Variants in CHD9 observed in about 807,000 individuals in gnomAD.
CHD9 encodes the protein chromodomain helicase DNA binding protein 9.
In CHD9, 77 loss-of-function variants were observed where a neutral mutation model predicts 316.1. That is an observed-to-expected ratio of 0.24 (90% confidence interval 0.20 to 0.29). CHD9 has a LOEUF of 0.29. CHD9 is among the 10% of genes least tolerant of loss of function. The pLI, the probability that CHD9 is intolerant of heterozygous loss-of-function variation, is 1.00. For missense variants in CHD9, 2,763 were observed against 3,438.1 expected, an observed-to-expected ratio of 0.80 and a Z score of 4.91; for synonymous variants, 1,129 against 1,158.3, an observed-to-expected ratio of 0.97 and a Z score of 0.51.
In CHD9 at chr16:53,292,990, G is replaced by T; in HGVS notation, c.5448G>T (p.Gln1816His). 1 of 1,613,762 alleles carries T rather than the reference G, an allele frequency of 6.2e-7. No homozygotes were observed. The highest frequency in any genetic ancestry group is 1.1e-5 in the South Asian group (1 of 91,068). The change falls in exon 29 of 39, where the codon CAG (glutamine) becomes CAT (histidine). Residue 1816 changes from glutamine to histidine, a missense_variant. Physicochemically the swap from Gln to His is conservative, Grantham distance 24. This residue lies in a region of CHD9 where 183 missense variants were observed against 258.5 expected (regional missense o/e 0.71). Transcript: ENST00000447540. ...TCTCGGTGCCTACCAGTGTAATGCA[G>T]CCTATTTATGAGGAAGCCACTCTTA... ...PTFSVPTSVM[Q>H]PIYEEATLNP...
In CHD9 at chr16:53,263,052, A is replaced by G. The variant is rs748241857; in HGVS notation, c.4275A>G (p.Lys1425=). The G allele has an allele frequency of 4.3e-6, 7 of 1,612,914 alleles. No homozygotes were observed. Among genetic ancestry groups the G allele is most frequent in the Non-Finnish European group, 5.1e-6 (6 of 1,179,278 alleles). ...ISLDDPNFWQ[K]WAKKAEIDIE... ...TAGATGATCCCAACTTCTGGCAAAAATGGGCTAAAAAGGCAGAAATAGATA... is the reference window on the plus strand; with the variant it reads ...TAGATGATCCCAACTTCTGGCAAAAGTGGGCTAAAAAGGCAGAAATAGATA... Residue 1425 remains lysine (K), a synonymous_variant, in exon 20 of 39, where the codon AAA becomes AAG. Transcript: ENST00000447540.
intron 1 of CHD9, among the ~76,000 whole-genome samples, chr16:53,124,204 G>A (rs1436804877): frequency 2.0e-5 from 3 of 152,136 alleles, no homozygotes; most frequent in Non-Finnish European, 2.9e-5. Context: ...ACCAGGGTTC[G>A]AGGGTTCTAC....
intron 2 of CHD9, among the ~76,000 whole-genome samples, chr16:53,184,478 A>T (rs917874692): frequency 6.6e-6 from 1 of 152,050 alleles, no homozygotes; most frequent in Non-Finnish European, 1.5e-5. Flanking sequence ...CTGGGACTAC[A>T]GGTACACACC....
At chr16:53,067,205 A>G (rs988537547) in intron 1 of CHD9, among the ~76,000 whole-genome samples, 2 of 152,100 alleles carry the variant, frequency 1.3e-5, no homozygotes, top group Non-Finnish European at 2.9e-5. Flanking sequence ...GACTTCCCAA[A>G]GTGTTGGGAT....
chr16:53,159,825 A>G (rs1363954205), intron 2 of CHD9, among the ~76,000 whole-genome samples: 2 of 151,884 alleles, frequency 1.3e-5, no homozygotes, highest in Admixed American at 1.3e-4. Flanking sequence ...GGCCAGGCTG[A>G]TCTCTGGTCT....
chr16:53,143,909 CT>C (rs1002374909), intron 1 of CHD9, among the ~76,000 whole-genome samples: 1 of 151,958 alleles, frequency 6.6e-6, no homozygotes, highest in Admixed American at 6.6e-5. Context: ...ATGTAATGAC[CT>C]TTTTCAGCAT....
chr16:53,303,732 C>T lies in CHD9; in HGVS notation c.5726C>T (p.Pro1909Leu), dbSNP rs2055663319. ...RLPSKEELVD[P>L]NIFIQPITEE... ...TTTCAATATGTAGAATTGGTGGATC[C>T]AAATATTTTTATCCAGCCCATCACA... is the stretch of plus-strand genomic sequence containing the variant. Residue 1909 changes from proline to leucine, a missense_variant, in exon 31 of 39, where the codon CCA (proline) becomes CTA (leucine). Pro to Leu is a moderately conservative substitution (Grantham distance 98, BLOSUM62 -3). This residue lies in a region of CHD9 where 663 missense variants were observed against 751.2 expected (regional missense o/e 0.88). Transcript: ENST00000447540. 6.3e-6 allele frequency: 10 copies of T among 1,586,588 alleles called. No homozygotes were observed. Among genetic ancestry groups the T allele is most frequent in the South Asian group, 4.7e-5 (4 of 85,778 alleles).
intron 2 of CHD9, among the ~76,000 whole-genome samples, chr16:53,164,566 A>G (rs929181312): frequency 2.6e-5 from 4 of 152,098 alleles, no homozygotes; most frequent in African/African-American, 9.7e-5. Flanking sequence ...GTGATAGAGC[A>G]AGGCCCTGTC....
chr16:53,132,107 G>T (rs2039371873), intron 1 of CHD9, among the ~76,000 whole-genome samples: 1 of 79,752 alleles, frequency 1.3e-5, no homozygotes, highest in South Asian at 3.7e-4. Context: ...ATTTTTTTTG[G>T]GGGGGGTGGT....
chr16:53,205,639 A>T (rs2045837757), intron 2 of CHD9, among the ~76,000 whole-genome samples: 2 of 152,226 alleles, frequency 1.3e-5, no homozygotes, highest in Admixed American at 6.5e-5. Flanking sequence ...ATTTCATCAT[A>T]GATTTATTAA....
intron 1 of CHD9, among the ~76,000 whole-genome samples, chr16:53,144,292 T>C (rs1301381906): frequency 1.3e-5 from 2 of 152,142 alleles, no homozygotes; most frequent in African/African-American, 4.8e-5. Context: ...TAAGACACCT[T>C]TACAAGCATC....
At position 53,289,823 on chromosome 16, in the gene CHD9, G is replaced by A. The variant is rs578232788; in HGVS notation, c.5247+1809G>A. On this transcript the variant is annotated intron_variant, in intron 27 of 38. Transcript: ENST00000447540. ...TGTCTCACTGGATGGCAGAAAAGTT[G>A]CTAAAAAGCTACCCGTTGAAACTGG... Among the ~76,000 whole-genome samples the A allele has an allele frequency of 6.6e-5, 10 of 152,256 alleles. No individual in the cohort carries two copies. In the East Asian group the frequency reaches 1.7e-3, roughly 26 times the overall value.
intron 1 of CHD9, among the ~76,000 whole-genome samples, chr16:53,125,493 T>C (rs11865376): frequency 0.32 from 48,285 of 151,988 alleles, 7,879 homozygotes; most frequent in Middle Eastern, 0.36. Flanking sequence ...GCCTCGGCCT[T>C]CCAAAGTGCC....
chr16:53,148,412 C>T (rs112050186), intron 1 of CHD9, among the ~76,000 whole-genome samples: 6 of 152,114 alleles, frequency 3.9e-5, no homozygotes, highest in Non-Finnish European at 5.9e-5. Flanking sequence ...GCTTGTTTAA[C>T]TTTTTGAGGA....
chr16:53,143,311 C>A (rs927974465), intron 1 of CHD9, among the ~76,000 whole-genome samples: 1 of 151,506 alleles, frequency 6.6e-6, no homozygotes, highest in East Asian at 1.9e-4. Context: ...ATTAAAGCCC[C>A]TTATGTGGAC....
intron 29 of CHD9, among the ~76,000 whole-genome samples, chr16:53,295,063 TC>T (rs1934744301): frequency 1.3e-5 from 2 of 152,206 alleles, no homozygotes; most frequent in African/African-American, 2.4e-5. Flanking sequence ...GAACACCCTT[TC>T]TACCTGTTTA....
intron 2 of CHD9, among the ~76,000 whole-genome samples, chr16:53,173,135 G>T (rs781537397): frequency 4.8e-4 from 73 of 152,122 alleles, no homozygotes; most frequent in Non-Finnish European, 9.1e-4. Context: ...TTTCTTAAAT[G>T]TTGGTACAGT....
chr16:53,142,276 TTTC>T (rs1229432158), intron 1 of CHD9, among the ~76,000 whole-genome samples: 16 of 152,144 alleles, frequency 1.1e-4, no homozygotes, highest in Admixed American at 9.2e-4. Context: ...ATATATATTT[TTTC>T]TTCTTTGAGA....
At position 53,244,335 on chromosome 16, in the gene CHD9, G is replaced by A. The variant is rs544614989; in HGVS notation, c.3055-1001G>A. The stretch of plus-strand genomic sequence containing the variant: ...AGCCTCCTGAGTAGCTGGGACTATA[G>A]GTGCCCACCACCACGCCCGGCTAAT... On this transcript the variant is annotated intron_variant, in intron 13 of 38. Transcript: ENST00000447540. 1.4e-3 allele frequency among the ~76,000 whole-genome samples: 205 copies of A among 151,830 alleles called. 1 individual carries two copies. In the South Asian group the frequency reaches 0.017, roughly 12 times the overall value.
Sources: allele counts gnomAD v4.1 joint callset (sites outside exome capture counted in the v4.1 genomes callset), GRCh38; gene constraint gnomAD v4.1.1; regional missense constraint gnomAD v4.1.1; transcripts MANE v1.5; gene names NCBI Gene and HGNC (gene_info 2026-07-23, HGNC 2026-07-21).